GUCY2C: variants seen among roughly 807,000 people sequenced by gnomAD.
GUCY2C encodes the protein guanylyl cyclase C.
A neutral mutation model predicts 131.1 loss-of-function variants in GUCY2C; 118 were observed. The observed-to-expected ratio is 0.90, with a 90% CI of 0.78 to 1.05. GUCY2C has a LOEUF of 1.05. Ranked by LOEUF, GUCY2C falls within the 50% of genes least tolerant of loss-of-function variation. GUCY2C has a pLI of 0.00. For synonymous variants in GUCY2C, 452 were observed against 457.8 expected (o/e 0.99, Z 0.16); for missense variants, 1,161 against 1,304.4 (o/e 0.89, Z 1.69).
rs1477323250 is a variant in GUCY2C, at chr12:14,692,106, G to A, written c.218-4043C>T. 5.3e-5 allele frequency among the ~76,000 whole-genome samples: 8 copies of A among 152,232 alleles called. No individual in the cohort carries two copies. The East Asian group carries it at 1.4e-3, about 26-fold the overall frequency. On this transcript the variant is annotated intron_variant, in intron 1 of 26. Transcript: ENST00000261170. ...CAGTTCTCAAAGTATGAGCCACTGA[G>A]GTACCCTTTAGTCCCTTTCAGGGGA...
At chr12:14,677,794 G>A (rs1948269901) in intron 6 of GUCY2C, among the ~76,000 whole-genome samples, 1 of 149,742 alleles carries the variant, frequency 6.7e-6, no homozygotes, top group Admixed American at 6.7e-5. Flanking sequence ...TGGCCAGGCA[G>A]GTCTTGAACT....
intron 20 of GUCY2C, 146 bp from the exon 21 acceptor site, chr12:14,626,061 C>T (rs534086493): frequency 3.7e-5 from 22 of 589,804 alleles, no homozygotes; most frequent in South Asian, 2.2e-4. Flanking sequence ...CAACCTCATC[C>T]GGGCACAGTG....
chr12:14,656,042 A>T (rs1947755531), intron 12 of GUCY2C, among the ~76,000 whole-genome samples: 1 of 152,170 alleles, frequency 6.6e-6, no homozygotes. Context: ...TCCTGCATTG[A>T]CTGTGGTAAA....
chr12:14,691,818 C>T lies in GUCY2C; in HGVS notation c.218-3755G>A, dbSNP rs564401944. ...ACTTCCCTACTGGGCCCCAGTTCCT[C>T]ATCCACTTGTTAATAGAATAGAGCC... On this transcript the variant is annotated intron_variant, in intron 1 of 26. Transcript: ENST00000261170. Among the ~76,000 whole-genome samples, 3 of 152,308 alleles carry T rather than the reference C, an allele frequency of 2.0e-5. No individual in the cohort carries two copies. In the South Asian group the frequency reaches 6.2e-4, roughly 32 times the overall value.
At chr12:14,616,895 A>C (rs1946774730) in intron 24 of GUCY2C, among the ~76,000 whole-genome samples, 168 bp from the exon 25 acceptor site, 1 of 152,176 alleles carries the variant, frequency 6.6e-6, no homozygotes, top group Non-Finnish European at 1.5e-5. Context: ...AGAGATAAGA[A>C]ATGGTATAGT....
intron 17 of GUCY2C, 146 bp from the exon 18 acceptor site, chr12:14,641,365 A>C (rs1448685787): frequency 9.3e-6 from 7 of 751,198 alleles, no homozygotes; most frequent in Non-Finnish European, 1.5e-5. Flanking sequence ...ATATGATTCC[A>C]AATTTTTGAA....
intron 15 of GUCY2C, among the ~76,000 whole-genome samples, chr12:14,650,409 A>G (rs1947623671): frequency 6.6e-6 from 1 of 152,118 alleles, no homozygotes; most frequent in African/African-American, 2.4e-5. Context: ...CACCATGCCC[A>G]GCTAATTTTT....
intron 10 of GUCY2C, 111 bp downstream of exon 10, chr12:14,669,611 C>T: frequency 6.4e-6 from 4 of 626,550 alleles, no homozygotes; most frequent in Middle Eastern, 5.3e-4. Flanking sequence ...CAAACTGGGA[C>T]AGCAGACAAA....
intron 20 of GUCY2C, 125 bp downstream of exon 20, chr12:14,628,518 AGTT>A: frequency 1.6e-6 from 1 of 638,166 alleles, no homozygotes; most frequent in Non-Finnish European, 2.8e-6. Flanking sequence ...GTTATGAGGC[AGTT>A]GTTGGTTGCC....
intron 10 of GUCY2C, among the ~76,000 whole-genome samples, 179 bp from the exon 11 acceptor site, chr12:14,661,241 T>C (rs577185311): frequency 5.9e-5 from 9 of 152,324 alleles, no homozygotes; most frequent in African/African-American, 1.9e-4. Context: ...CAGCCTTGTC[T>C]GGCATTGTAC....
chr12:14,618,485 C>T (rs1176594050), intron 24 of GUCY2C, among the ~76,000 whole-genome samples: 2 of 152,000 alleles, frequency 1.3e-5, no homozygotes, highest in African/African-American at 4.8e-5. Context: ...TGTGCCAAAG[C>T]CTAGGCGACA....
intron 2 of GUCY2C, among the ~76,000 whole-genome samples, chr12:14,687,372 C>A (rs1948491343): frequency 6.6e-6 from 1 of 152,192 alleles, no homozygotes; most frequent in African/African-American, 2.4e-5. Context: ...GTAATTCCAG[C>A]ACTTTGGGAG....
At chr12:14,645,180 G>C in intron 16 of GUCY2C, 49 bp downstream of exon 16, 1 of 1,004,158 alleles carries the variant, frequency 1.0e-6, no homozygotes, top group Non-Finnish European at 1.6e-6. Context: ...TGTTAGATCT[G>C]TTTTCTTATA....
In GUCY2C at chr12:14,613,463, A is replaced by G. The variant is rs999845065; in HGVS notation, c.3048-172T>C. On this transcript the variant is annotated intron_variant, in intron 26 of 26. Coordinates refer to ENST00000261170, the MANE Select transcript of GUCY2C (RefSeq NM_004963.4). The surrounding 1 kb of genome is among the most constrained non-coding windows in gnomAD (Gnocchi z 4.9). ...GATCCCTGCCTTTGATGAGCTTAAA[A>G]AACTGTTATCTCTGCTAGGAAATTA... 1.3e-5 allele frequency among the ~76,000 whole-genome samples: 2 copies of G among 152,230 alleles called. No individual in the cohort carries two copies. Among genetic ancestry groups the G allele is most frequent in the South Asian group, 4.1e-4 (2 of 4,824 alleles).
intron 10 of GUCY2C, among the ~76,000 whole-genome samples, chr12:14,669,060 TA>T (rs983666724): frequency 4.6e-5 from 7 of 152,058 alleles, no homozygotes; most frequent in Middle Eastern, 3.2e-3. Flanking sequence ...GTAAATGGAG[TA>T]AGAATATATG....
At chr12:14,675,230 GAAAA>G (rs1338137300) in intron 7 of GUCY2C, among the ~76,000 whole-genome samples, 3 of 97,890 alleles carry the variant, frequency 3.1e-5, no homozygotes, top group South Asian at 3.6e-4. Context: ...AAAAAAAAAA[GAAAA>G]AAAGAAAGAA....
intron 1 of GUCY2C, among the ~76,000 whole-genome samples, chr12:14,688,855 G>A (rs1025919885): frequency 3.3e-5 from 5 of 152,190 alleles, no homozygotes; most frequent in African/African-American, 1.2e-4. Context: ...ACCCTTCTTG[G>A]CATTTCAGAA....
intron 16 of GUCY2C, 29 bp from the exon 17 acceptor site, chr12:14,643,735 G>T: frequency 6.3e-7 from 1 of 1,599,124 alleles, no homozygotes; most frequent in South Asian, 1.1e-5. Context: ...TAGAAAAACA[G>T]AAATGTGACA....
At chr12:14,632,894 C>T (rs1001087252) in intron 19 of GUCY2C, among the ~76,000 whole-genome samples, 3 of 152,184 alleles carry the variant, frequency 2.0e-5, no homozygotes, top group African/African-American at 7.2e-5. Flanking sequence ...AGCTGGTACC[C>T]ACCAGCATAT....
Sources: gnomAD v4.1 joint callset for allele counts (sites outside exome capture counted in the v4.1 genomes callset) on GRCh38, gnomAD v4.1.1 for gene constraint, Gnocchi (gnomAD v3.1) non-coding constraint, MANE v1.5 for transcripts, NCBI Gene and HGNC (gene_info 2026-07-23, HGNC 2026-07-21) for gene names.